The following NEGR1 variants were observed in gnomAD, a reference collection of about 807,000 sequenced individuals.
NEGR1 encodes neuronal growth regulator 1.
Under a neutral mutation model 40.9 loss-of-function variants are expected in NEGR1, and 10 were observed. That is an observed-to-expected ratio of 0.24 (90% CI 0.15 to 0.42). The LOEUF is 0.42. Among genes scored for constraint, NEGR1 ranks in the 10% least tolerant of loss-of-function variants. The probability of loss-of-function intolerance (pLI) is 1.00; values close to 1 mark genes in which losing one functional copy is unlikely to be tolerated. For synonymous variants in NEGR1, 185 were observed against 166.8 expected, an observed-to-expected ratio of 1.11 and a Z score of -0.84; for missense variants, 352 against 438.9, an observed-to-expected ratio of 0.80 and a Z score of 1.77.
intron 6 of NEGR1, among the ~76,000 whole-genome samples, chr1:71,500,695 G>A (rs1423362368): frequency 6.6e-6 from 1 of 151,974 alleles, no homozygotes; most frequent in Admixed American, 6.6e-5. Flanking sequence ...ATGGAGGATT[G>A]GATTGAGGAC....
intron 3 of NEGR1, among the ~76,000 whole-genome samples, chr1:71,731,662 G>A (rs1278937944): frequency 6.6e-6 from 1 of 152,090 alleles, no homozygotes; most frequent in Non-Finnish European, 1.5e-5. Flanking sequence ...AGTAGAGCAG[G>A]CAAAACTGGA....
intron 4 of NEGR1, among the ~76,000 whole-genome samples, chr1:71,618,194 C>T (rs371450598): frequency 1.3e-4 from 20 of 152,230 alleles, no homozygotes; most frequent in Admixed American, 8.5e-4. Context: ...GCTCAGCTTT[C>T]GAAAGACTTT....
chr1:71,940,429 A>C (rs963014771), intron 1 of NEGR1, among the ~76,000 whole-genome samples: 23 of 152,146 alleles, frequency 1.5e-4, no homozygotes, highest in African/African-American at 5.1e-4. Context: ...TAAATACTTA[A>C]ATTTTCAGTC....
At chr1:72,043,150 T>G (rs192716397) in intron 1 of NEGR1, among the ~76,000 whole-genome samples, 1 of 152,002 alleles carries the variant, frequency 6.6e-6, no homozygotes, top group East Asian at 1.9e-4. Context: ...CCATGAAGCC[T>G]CCTCCTCCAA....
chr1:72,040,656 G>A (rs1646945379), intron 1 of NEGR1, among the ~76,000 whole-genome samples: 1 of 144,006 alleles, frequency 6.9e-6, no homozygotes, highest in African/African-American at 2.6e-5. Flanking sequence ...GAAAGAAAAG[G>A]AATTGGGTTT....
At chr1:72,111,803 A>G (rs1649381702) in intron 1 of NEGR1, among the ~76,000 whole-genome samples, 1 of 151,802 alleles carries the variant, frequency 6.6e-6, no homozygotes, top group Non-Finnish European at 1.5e-5. Flanking sequence ...TGTCATGAAA[A>G]GAGGAAATGG....
At chr1:71,779,219 AATATTCAGAACTATTGC>A (rs1656615951) in intron 2 of NEGR1, among the ~76,000 whole-genome samples, 2 of 152,216 alleles carry the variant, frequency 1.3e-5, no homozygotes, top group Non-Finnish European at 2.9e-5. Context: ...TGCTTTGCTG[AATATTCAGAACTATTGC>A]ATATTCAGTT....
rs538932832 is a variant in NEGR1 at position 71,988,515 on chromosome 1, C to T, written c.177-53204G>A. Among the ~76,000 whole-genome samples the T allele has an allele frequency of 9.4e-5, 12 of 128,206 alleles. 1 individual carries two copies. In the East Asian group the frequency reaches 1.4e-3, roughly 15 times the overall value. 84.1% of individuals were successfully genotyped at this position (128,206 alleles called of 152,430 possible). Reference sequence around the variant, plus strand: ...GATTGCGCCACTGCAGTCCGCAGTCCGTCCTGGGCGACAGAGCGAGACTCC... The same window carrying T: ...GATTGCGCCACTGCAGTCCGCAGTCTGTCCTGGGCGACAGAGCGAGACTCC... On this transcript the variant is annotated intron_variant, in intron 1 of 6. Coordinates refer to ENST00000357731, the MANE Select transcript of NEGR1 (RefSeq NM_173808.3).
intron 3 of NEGR1, among the ~76,000 whole-genome samples, chr1:71,705,732 AAAAGAAAAG>A (rs1407648043): frequency 2.6e-5 from 4 of 151,076 alleles, no homozygotes; most frequent in Admixed American, 6.6e-5. Flanking sequence ...GAAAAGAAAG[AAAAGAAAAG>A]AAAGAAAAGA....
chr1:72,256,404 C>G (rs1557600955), intron 1 of NEGR1, among the ~76,000 whole-genome samples: 1 of 152,190 alleles, frequency 6.6e-6, no homozygotes, highest in Non-Finnish European at 1.5e-5. Flanking sequence ...GATCGTTTTC[C>G]TCTACCCAAC....
chr1:71,687,680 G>A (rs1468283016), intron 4 of NEGR1, among the ~76,000 whole-genome samples: 1 of 152,144 alleles, frequency 6.6e-6, no homozygotes, highest in Non-Finnish European at 1.5e-5. Context: ...TAGCACCTGC[G>A]CACATTCTGG....
chr1:71,442,226 C>CTTT (rs35594326), intron 6 of NEGR1, among the ~76,000 whole-genome samples: 5 of 84,946 alleles, frequency 5.9e-5, no homozygotes, highest in African/African-American at 9.0e-5. Context: ...GGTAGCATTC[C>CTTT]TTTTTTTTTT....
intron 1 of NEGR1, among the ~76,000 whole-genome samples, chr1:72,068,860 G>A (rs2220252): frequency 0.38 from 58,262 of 151,838 alleles, 12,142 homozygotes; most frequent in East Asian, 0.6. Flanking sequence ...AGCTAAATAT[G>A]TAATCATTTA....
intron 1 of NEGR1, among the ~76,000 whole-genome samples, chr1:72,052,977 T>C (rs543611737): frequency 6.6e-6 from 1 of 151,590 alleles, no homozygotes; most frequent in East Asian, 1.9e-4. Flanking sequence ...GAGTCAACAC[T>C]GCTTCACTTT....
chr1:71,589,135 CAG>C (rs1649412070), intron 6 of NEGR1, among the ~76,000 whole-genome samples: 1 of 152,126 alleles, frequency 6.6e-6, no homozygotes, highest in Admixed American at 6.6e-5. Flanking sequence ...GCCCAAATGT[CAG>C]AGACAGTGGT....
chr1:71,921,271 C>A (rs373753434), intron 2 of NEGR1, among the ~76,000 whole-genome samples: 1 of 152,012 alleles, frequency 6.6e-6, no homozygotes, highest in Admixed American at 6.6e-5. Flanking sequence ...TTGCCTTTTG[C>A]GAATATTTAC....
At chr1:72,193,013 G>C (rs2100432287) in intron 1 of NEGR1, among the ~76,000 whole-genome samples, 1 of 151,666 alleles carries the variant, frequency 6.6e-6, no homozygotes, top group Middle Eastern at 3.4e-3. Flanking sequence ...TTGAATACCA[G>C]GACAAAGGAG....
chr1:71,599,594 G>A (rs1484304130), intron 5 of NEGR1, among the ~76,000 whole-genome samples: 1 of 152,254 alleles, frequency 6.6e-6, no homozygotes, highest in African/African-American at 2.4e-5. Context: ...CTAGGAACAG[G>A]TTGAAGAATA....
intron 2 of NEGR1, among the ~76,000 whole-genome samples, chr1:71,886,466 A>G (rs376346296): frequency 2.0e-5 from 3 of 151,730 alleles, no homozygotes; most frequent in African/African-American, 7.3e-5. Flanking sequence ...GGAAAAAAAA[A>G]AAAACAAAGG....
Sources: gnomAD v4.1 joint callset for allele counts (sites outside exome capture counted in the v4.1 genomes callset) on GRCh38, gnomAD v4.1.1 for gene constraint, MANE v1.5 for transcripts, NCBI Gene and HGNC (gene_info 2026-07-23, HGNC 2026-07-21) for gene names.